Variants in CDON observed in about 807,000 individuals in gnomAD.
The protein encoded by CDON is cell adhesion molecule-related/down-regulated by oncogenes.
In CDON, 73 loss-of-function variants were observed where a neutral mutation model predicts 120.9. That is an observed-to-expected ratio of 0.60 (90% CI 0.50 to 0.73). The LOEUF (loss-of-function observed/expected upper bound fraction) is 0.73. Among genes scored for constraint, CDON ranks in the 30% least tolerant of loss-of-function variants. The pLI is 0.00. For missense variants in CDON, 1,470 were observed against 1,587.3 expected, an observed-to-expected ratio of 0.93 and a Z score of 1.26; for synonymous variants, 566 against 573.5, an observed-to-expected ratio of 0.99 and a Z score of 0.19.
At chr11:126,030,072 T>G (rs1315838430) in intron 1 of CDON, among the ~76,000 whole-genome samples, 2 of 152,184 alleles carry the variant, frequency 1.3e-5, no homozygotes, top group African/African-American at 4.8e-5. Context: ...TTATAAGGCT[T>G]TCTTTAAGCC....
At chr11:125,976,861 A>G (rs1418338220) in intron 18 of CDON, among the ~76,000 whole-genome samples, 1 of 152,204 alleles carries the variant, frequency 6.6e-6, no homozygotes, top group Non-Finnish European at 1.5e-5. Flanking sequence ...CTTCAGAAAC[A>G]TTACGTTACT....
At chr11:126,040,862 G>A (rs1489733341) in intron 1 of CDON, among the ~76,000 whole-genome samples, 2 of 137,846 alleles carry the variant, frequency 1.5e-5, no homozygotes, top group South Asian at 2.4e-4. Flanking sequence ...TAAAGTCAAG[G>A]CGACTAACCA....
At chr11:125,961,166 G>A in intron 19 of CDON, 61 bp from the exon 20 acceptor site, 1 of 1,483,198 alleles carries the variant, frequency 6.7e-7, no homozygotes, top group Non-Finnish European at 9.4e-7. Context: ...TTACAAAGCA[G>A]TCTAAAAACT....
Position 126,005,796 on chromosome 11 carries a change from C to T in CDON, c.1814G>A (p.Gly605Glu). 6.2e-7 allele frequency: 1 copy of T among 1,613,976 alleles called. No individual in the cohort carries two copies. Among genetic ancestry groups the T allele is most frequent in the Non-Finnish European group, 8.5e-7 (1 of 1,180,012 alleles). ...NLVWRAGKDG[G>E]LPINAYFVKY... ...CACAAAGTAAGCATTGATGGGCAGC[C>T]CACCATCCTTGCCTGCCCTCCACAC... The change falls in exon 9 of 20, where the codon GGG becomes GAG. Residue 605 changes from glycine (G) to glutamate (E), a missense_variant. Physicochemically the swap from Gly to Glu is moderately conservative, Grantham distance 98 (BLOSUM62 -2). Transcript: ENST00000531738.
At chr11:126,059,300 C>T (rs1010470103) in intron 1 of CDON, among the ~76,000 whole-genome samples, 2 of 152,224 alleles carry the variant, frequency 1.3e-5, no homozygotes, top group Admixed American at 1.3e-4. Flanking sequence ...TGTACTTACA[C>T]TGGAGTTCAC....
chr11:126,004,140 C>A lies in CDON; in HGVS notation c.1852-64G>T. On this transcript the variant is annotated intron_variant, in intron 9 of 19. Coordinates refer to ENST00000531738, the MANE Select transcript of CDON (RefSeq NM_001378964.1). ...GATGGAGGATAGGAAATCTTTCGGT[C>A]ACATTTGATCAAAACTAGGATTCAT... The A allele has an allele frequency of 2.7e-6, 4 of 1,498,092 alleles. No individual in the cohort carries two copies. In the South Asian group the frequency reaches 4.7e-5, roughly 17 times the overall value. The allele number at this position is 1,498,092 out of a possible 1,614,324, so 92.8% of individuals were successfully genotyped here. A position where few individuals can be genotyped will look rare whatever the true frequency, so the allele number is the denominator to read the frequency against.
intron 7 of CDON, among the ~76,000 whole-genome samples, chr11:126,012,804 T>C (rs1947346237): frequency 6.6e-6 from 1 of 152,204 alleles, no homozygotes; most frequent in African/African-American, 2.4e-5. Flanking sequence ...ACAACAGCCA[T>C]CATAATGGCC....
intron 14 of CDON, among the ~76,000 whole-genome samples, chr11:125,993,057 C>G (rs1946674389): frequency 6.6e-6 from 1 of 152,170 alleles, no homozygotes; most frequent in Non-Finnish European, 1.5e-5. Flanking sequence ...TCAGAAAGTT[C>G]TTTCTTACGC....
chr11:125,985,847 A>G (rs1565505271), intron 15 of CDON, among the ~76,000 whole-genome samples: 1 of 151,698 alleles, frequency 6.6e-6, no homozygotes, highest in Non-Finnish European at 1.5e-5. Context: ...GAGAAATAGG[A>G]ATGCTTTTAC....
At chr11:125,975,177 G>C (rs1591554442) in intron 18 of CDON, among the ~76,000 whole-genome samples, 1 of 152,138 alleles carries the variant, frequency 6.6e-6, no homozygotes, top group South Asian at 2.1e-4. Context: ...TATAAAAATT[G>C]CATACCCTTG....
intron 15 of CDON, among the ~76,000 whole-genome samples, chr11:125,989,225 C>A (rs1326027820): frequency 6.6e-6 from 1 of 152,166 alleles, no homozygotes; most frequent in East Asian, 1.9e-4. Flanking sequence ...AAAGCAGAAA[C>A]TTCCTTAGGC....
chr11:126,052,855 T>G (rs1434981585), intron 1 of CDON, among the ~76,000 whole-genome samples: 1 of 151,962 alleles, frequency 6.6e-6, no homozygotes, highest in African/African-American at 2.4e-5. Context: ...ATTAAAAATA[T>G]ACTGTATAAC....
intron 8 of CDON, among the ~76,000 whole-genome samples, chr11:126,008,203 G>GA (rs995592455): frequency 3.9e-5 from 6 of 151,936 alleles, no homozygotes; most frequent in African/African-American, 1.5e-4. Context: ...AAAGTCTCTG[G>GA]AAAAAACAAA....
chr11:125,990,096 T>C (rs1343690736), intron 14 of CDON, among the ~76,000 whole-genome samples: 1 of 152,142 alleles, frequency 6.6e-6, no homozygotes, highest in Non-Finnish European at 1.5e-5. Context: ...GCCCAAGTCC[T>C]TTCATCCCTA....
At chr11:126,031,045 A>G (rs1298000243) in intron 1 of CDON, among the ~76,000 whole-genome samples, 1 of 152,244 alleles carries the variant, frequency 6.6e-6, no homozygotes, top group Non-Finnish European at 1.5e-5. Context: ...GGGCACGAAC[A>G]TAATTATCTC....
Position 125,997,534 on chromosome 11 carries a change from A to G in CDON, c.2159-124T>C. 3 of 746,752 alleles carry G rather than the reference A, an allele frequency of 4.0e-6. No homozygotes were observed. The Admixed American group carries it at 6.1e-5, about 15-fold the overall frequency. 46.3% of individuals were successfully genotyped at this position (746,752 alleles called of 1,614,324 possible). On this transcript the variant is annotated intron_variant, in intron 11 of 19. Coordinates refer to ENST00000531738, the MANE Select transcript of CDON (RefSeq NM_001378964.1). ...GGTTCTTCACCAAACTTTTTGCCAG[A>G]GTTTATAACATTTACAGCAGTCTTC...
intron 18 of CDON, among the ~76,000 whole-genome samples, chr11:125,966,035 G>A (rs996323082): frequency 1.3e-5 from 2 of 152,084 alleles, no homozygotes; most frequent in Non-Finnish European, 2.9e-5. Context: ...TACTCAGGAG[G>A]CTGAGGCAGG....
rs61917838 is a variant in CDON at position 126,010,421 on chromosome 11, G to C, written c.1472C>G (p.Thr491Ser). 1 of 1,614,094 alleles carries C rather than the reference G, an allele frequency of 6.2e-7. No individual in the cohort carries two copies. The highest frequency in any genetic ancestry group is 1.3e-5 in the African/African-American group (1 of 75,020). ...GASSLHIQAV[T>S]QEHAGKYICE... ...GATGTATTTCCCCGCATGTTCCTGAGTCACAGCCTGAATATGGAGAGAGCT... is the reference window on the plus strand; with the variant it reads ...GATGTATTTCCCCGCATGTTCCTGACTCACAGCCTGAATATGGAGAGAGCT... Residue 491 changes from threonine to serine, a missense_variant, in exon 8 of 20, where the codon ACT becomes AGT. Coordinates refer to ENST00000531738, the MANE Select transcript of CDON (RefSeq NM_001378964.1).
In CDON at chr11:125,994,893, G is replaced by T. The variant is rs1351655072; in HGVS notation, c.2522C>A (p.Thr841Asn). Residue 841 changes from threonine to asparagine, a missense_variant, in exon 13 of 20, where the codon ACT (threonine) becomes AAT (asparagine). Transcript: ENST00000531738. ...GACCGTCCACTTTAGCATGATCTGA[G>T]TATCGCTGACAGCCTCTGTGTATGC... is the stretch of plus-strand genomic sequence containing the variant. ...HIAYTEAVSD[T>N]QIMLKWTYIP... The T allele has an allele frequency of 6.2e-7, 1 of 1,614,036 alleles. No individual in the cohort carries two copies. Among genetic ancestry groups the T allele is most frequent in the Non-Finnish European group, 8.5e-7 (1 of 1,179,950 alleles).
Sources: gnomAD v4.1 joint callset for allele counts (sites outside exome capture counted in the v4.1 genomes callset) on GRCh38, gnomAD v4.1.1 for gene constraint, MANE v1.5 for transcripts, NCBI Gene and HGNC (gene_info 2026-07-23, HGNC 2026-07-21) for gene names.